The following SPART variants were observed in gnomAD, a reference collection of about 807,000 sequenced individuals.
SPART encodes spartin.
SPART carries 35 observed loss-of-function variants against 58.7 expected under a neutral mutation model. That is an observed-to-expected ratio of 0.60 (90% CI 0.46 to 0.79). The LOEUF (loss-of-function observed/expected upper bound fraction) is 0.79, where lower values mean the gene tolerates loss of function less well. SPART is among the 30% of genes least tolerant of loss of function. The probability of loss-of-function intolerance (pLI) is 0.00; values close to 1 mark genes in which losing one functional copy is unlikely to be tolerated. For missense variants in SPART, 730 were observed against 786.1 expected (o/e 0.93, Z 0.85); for synonymous variants, 284 against 280.7 (o/e 1.01, Z -0.12).
intron 8 of SPART, among the ~76,000 whole-genome samples, chr13:36,305,863 A>G (rs530230135): frequency 6.6e-6 from 1 of 152,300 alleles, no homozygotes; most frequent in East Asian, 1.9e-4. Context: ...TCCAGGACAC[A>G]GTGAAGTTTC....
chr13:36,344,462 G>GA (rs1484932766), intron 1 of SPART, among the ~76,000 whole-genome samples: 1 of 151,910 alleles, frequency 6.6e-6, no homozygotes, highest in African/African-American at 2.4e-5. Flanking sequence ...ATCTTAAAGA[G>GA]AAAAAAAGGA....
chr13:36,314,258 TG>T lies in SPART; in HGVS notation c.1451del (p.Thr484LysfsTer18). On this transcript the variant is annotated frameshift_variant, in exon 6 of 9. Transcript: ENST00000438666. LOFTEE classifies it high-confidence loss of function. ...TKGLYIAKQATGGAAKVSQFL... is the reference protein window; with the variant it reads ...TKGLYIAKQAXGGAAKVSQFL... Reference sequence around the variant, plus strand: ...ACTGACTGACTTTTGCTGCTCCTCCTGTAGCTTGCTTCGCTATATAAAGTCC... The same window carrying T: ...ACTGACTGACTTTTGCTGCTCCTCCTTAGCTTGCTTCGCTATATAAAGTCC... 1.2e-6 allele frequency: 2 copies of T among 1,614,128 alleles called. No individual in the cohort carries two copies. Among genetic ancestry groups the T allele is most frequent in the Non-Finnish European group, 1.7e-6 (2 of 1,180,016 alleles).
intron 6 of SPART, 46 bp downstream of exon 6, chr13:36,314,181 T>C: frequency 6.4e-7 from 1 of 1,555,000 alleles, no homozygotes; most frequent in Non-Finnish European, 8.8e-7. Context: ...TAAGACATTA[T>C]TTTAAATATA....
chr13:36,310,263 A>C (rs1028953024), intron 8 of SPART, among the ~76,000 whole-genome samples: 41 of 152,334 alleles, frequency 2.7e-4, no homozygotes, highest in African/African-American at 9.4e-4. Flanking sequence ...AGTTGTGAAT[A>C]CTATCAATAT....
Position 36,358,003 on chromosome 13 carries a change from A to T in SPART, c.-3+12086T>A, listed in dbSNP as rs149847552. Among the ~76,000 whole-genome samples the T allele has an allele frequency of 2.6e-5, 4 of 152,274 alleles. No homozygotes were observed. In the East Asian group the frequency reaches 7.7e-4, roughly 29 times the overall value. On this transcript the variant is annotated intron_variant, in intron 1 of 8. Transcript: ENST00000355182. ...GACTCTCAGTTCTTGGAGCTGGTCC[A>T]TCCGAGCCTGATTGCCCAAATGAAC...
chr13:36,323,786 T>C (rs1019418462), intron 5 of SPART, among the ~76,000 whole-genome samples: 2 of 152,218 alleles, frequency 1.3e-5, no homozygotes, highest in African/African-American at 4.8e-5. Context: ...TTAAATAGTT[T>C]ACAGTTACCA....
intron 2 of SPART, among the ~76,000 whole-genome samples, chr13:36,332,833 G>C (rs1323017303): frequency 6.6e-6 from 1 of 151,974 alleles, no homozygotes; most frequent in East Asian, 1.9e-4. Context: ...CATTTGAGTA[G>C]TTATTTATTT....
intron 8 of SPART, among the ~76,000 whole-genome samples, chr13:36,310,569 T>C (rs564676416): frequency 1.3e-5 from 2 of 152,272 alleles, no homozygotes; most frequent in East Asian, 3.9e-4. Flanking sequence ...TTTGGCCTAG[T>C]TAAAACTTCT....
intron 5 of SPART, 107 bp downstream of exon 5, chr13:36,326,468 A>C: frequency 7.0e-7 from 1 of 1,437,868 alleles, no homozygotes; most frequent in Non-Finnish European, 9.6e-7. Context: ...ATTTAAAACC[A>C]AAATACAAAA....
At chr13:36,338,317 G>A (rs1198762378) in intron 1 of SPART, among the ~76,000 whole-genome samples, 1 of 152,164 alleles carries the variant, frequency 6.6e-6, no homozygotes, top group Non-Finnish European at 1.5e-5. Context: ...AAAGTCAACA[G>A]TACTTGGTGT....
chr13:36,311,879 G>A (rs181372913), intron 8 of SPART, among the ~76,000 whole-genome samples: 50 of 152,194 alleles, frequency 3.3e-4, no homozygotes, highest in African/African-American at 1.2e-3. Flanking sequence ...CCTGAGGTCA[G>A]GAGTTCGAGA....
intron 5 of SPART, among the ~76,000 whole-genome samples, chr13:36,316,094 G>T (rs1881671658): frequency 6.6e-6 from 1 of 152,346 alleles, no homozygotes; most frequent in Middle Eastern, 3.4e-3. Context: ...GATTGATTCT[G>T]TTCATGTTTG....
intron 5 of SPART, among the ~76,000 whole-genome samples, chr13:36,320,986 C>A (rs948157336): frequency 6.6e-6 from 1 of 152,202 alleles, no homozygotes; most frequent in African/African-American, 2.4e-5. Flanking sequence ...ACACACCTCA[C>A]CAAGCTCAGC....
chr13:36,330,806 T>G (rs1172207599), intron 3 of SPART, among the ~76,000 whole-genome samples: 1 of 152,204 alleles, frequency 6.6e-6, no homozygotes. Flanking sequence ...TATTTTCTTT[T>G]TATTTTTTTA....
chr13:36,351,136 A>G (rs1885392738), upstream of SPART, among the ~76,000 whole-genome samples: 1 of 152,104 alleles, frequency 6.6e-6, no homozygotes, highest in Non-Finnish European at 1.5e-5. Context: ...AATCTGCCTC[A>G]CAGGGTGGTT....
In SPART at chr13:36,305,153, C is replaced by T. The variant is rs150389898; in HGVS notation, c.1734-521G>A. ...TACTGCACACTCACTGGCCTCCTTGCTGTTCCTTGAGCCCACCAAGCACTC... is the reference window on the plus strand; with the variant it reads ...TACTGCACACTCACTGGCCTCCTTGTTGTTCCTTGAGCCCACCAAGCACTC... On this transcript the variant is annotated intron_variant, in intron 8 of 8. Coordinates refer to ENST00000438666, the MANE Select transcript of SPART (RefSeq NM_015087.5). Among the ~76,000 whole-genome samples the T allele has an allele frequency of 3.5e-3, 537 of 152,292 alleles. 1 individual carries two copies. Among genetic ancestry groups the T allele is most frequent in the African/African-American group, 0.012 (497 of 41,564 alleles).
chr13:36,367,092 A>G (rs890843853), intron 1 of SPART, among the ~76,000 whole-genome samples: 2 of 152,188 alleles, frequency 1.3e-5, no homozygotes, highest in Non-Finnish European at 2.9e-5. Context: ...GCATCTCCAC[A>G]GCAGGGAGCG....
chr13:36,321,508 C>A (rs1189941662), intron 5 of SPART, among the ~76,000 whole-genome samples: 1 of 152,084 alleles, frequency 6.6e-6, no homozygotes, highest in Admixed American at 6.6e-5. Flanking sequence ...ACCAATCATT[C>A]TACACGACAA....
chr13:36,357,698 T>G (rs1366817145), intron 1 of SPART, among the ~76,000 whole-genome samples: 1 of 152,242 alleles, frequency 6.6e-6, no homozygotes, highest in Non-Finnish European at 1.5e-5. Context: ...GTTTTTAAAT[T>G]CTATGTAATT....
Sources: allele counts gnomAD v4.1 joint callset (sites outside exome capture counted in the v4.1 genomes callset), GRCh38; gene constraint gnomAD v4.1.1; transcripts MANE v1.5; gene names NCBI Gene and HGNC (gene_info 2026-07-23, HGNC 2026-07-21).